Variants in EPHA3 observed in about 807,000 individuals in gnomAD.
The protein encoded by EPHA3 is ephrin type-A receptor 3.
EPHA3 carries 42 observed loss-of-function variants against 107.1 expected under a neutral mutation model. The observed-to-expected ratio is 0.39, with a 90% CI of 0.31 to 0.51. The LOEUF is 0.51. Ranked by LOEUF, EPHA3 falls within the 20% of genes least tolerant of loss-of-function variation. The pLI, the probability that EPHA3 is intolerant of heterozygous loss-of-function variation, is 0.78. For synonymous variants in EPHA3, 461 were observed against 424.8 expected, an observed-to-expected ratio of 1.09 and a Z score of -1.05; for missense variants, 1,183 against 1,211.2, an observed-to-expected ratio of 0.98 and a Z score of 0.35.
rs13315944 is a variant in EPHA3, at chr3:89,220,096, A to G, written c.814+9576A>G. On this transcript the variant is annotated intron_variant, in intron 3 of 16. Transcript: ENST00000336596. ...TGCCACACATGTTGCTAAATATCCT[A>G]CAATGCACAGGGCAATGTTTATAGC... Among the ~76,000 whole-genome samples the G allele has an allele frequency of 4.2e-3, 638 of 152,190 alleles. 6 individuals carry two copies. The highest frequency in any genetic ancestry group is 0.015 in the African/African-American group (618 of 41,522).
intron 3 of EPHA3, among the ~76,000 whole-genome samples, chr3:89,239,445 A>ATAT (rs1704844047): frequency 6.6e-6 from 1 of 152,176 alleles, no homozygotes; most frequent in African/African-American, 2.4e-5. Context: ...AATAATAATA[A>ATAT]TAATAAATCT....
intron 3 of EPHA3, among the ~76,000 whole-genome samples, chr3:89,226,357 T>C (rs1328696649): frequency 2.0e-5 from 3 of 152,118 alleles, no homozygotes; most frequent in Non-Finnish European, 4.4e-5. Flanking sequence ...TAACAAGTAC[T>C]TTATAAGTGT....
chr3:89,355,116 T>G (rs1462344523), intron 5 of EPHA3, among the ~76,000 whole-genome samples: 1 of 147,580 alleles, frequency 6.8e-6, no homozygotes, highest in East Asian at 2.0e-4. Flanking sequence ...TATAACAAAT[T>G]GACAAAAAAA....
chr3:89,124,493 G>A (rs906932826), intron 1 of EPHA3, among the ~76,000 whole-genome samples: 2 of 151,974 alleles, frequency 1.3e-5, no homozygotes, highest in African/African-American at 2.4e-5. Context: ...CAAACAAAAG[G>A]CACTTTATAA....
intron 5 of EPHA3, among the ~76,000 whole-genome samples, chr3:89,382,198 A>T (rs755344292): frequency 6.6e-6 from 1 of 152,020 alleles, no homozygotes; most frequent in Non-Finnish European, 1.5e-5. Flanking sequence ...AGATCAGGAG[A>T]AGGTTGCCAC....
intron 13 of EPHA3, among the ~76,000 whole-genome samples, chr3:89,446,383 G>T (rs1709876311): frequency 1.3e-5 from 2 of 152,050 alleles, no homozygotes; most frequent in African/African-American, 4.8e-5. Context: ...CAGAAATATG[G>T]CTCTGTTCTT....
chr3:89,315,187 T>C (rs554174021), intron 3 of EPHA3, among the ~76,000 whole-genome samples: 3 of 151,920 alleles, frequency 2.0e-5, no homozygotes, highest in South Asian at 2.1e-4. Flanking sequence ...ATATGTCATA[T>C]ATATTTTTTA....
chr3:89,316,469 G>GTA (rs1245895475), intron 3 of EPHA3, among the ~76,000 whole-genome samples: 43 of 130,900 alleles, frequency 3.3e-4, no homozygotes, highest in Middle Eastern at 8.8e-3. Context: ...AGTATACACT[G>GTA]TATATATATG....
intron 5 of EPHA3, among the ~76,000 whole-genome samples, chr3:89,389,500 A>G (rs1234702032): frequency 6.6e-6 from 1 of 152,206 alleles, no homozygotes; most frequent in Non-Finnish European, 1.5e-5. Context: ...CAATCTCTAA[A>G]TCACAGAGAT....
chr3:89,187,294 T>C (rs1003440330), intron 2 of EPHA3, among the ~76,000 whole-genome samples: 4 of 148,946 alleles, frequency 2.7e-5, no homozygotes, highest in African/African-American at 9.8e-5. Flanking sequence ...TATATGAGTC[T>C]ATACATTACC....
intron 5 of EPHA3, among the ~76,000 whole-genome samples, chr3:89,362,042 C>A (rs1054319583): frequency 6.6e-6 from 1 of 151,164 alleles, no homozygotes; most frequent in Non-Finnish European, 1.5e-5. Context: ...AAGACTCATA[C>A]TTCTAAAGTA....
chr3:89,168,856 T>A (rs899884461), intron 2 of EPHA3, among the ~76,000 whole-genome samples: 12 of 152,128 alleles, frequency 7.9e-5, no homozygotes, highest in Non-Finnish European at 4.4e-5. Context: ...ATTTAAAAAT[T>A]TAGAAATTCT....
At chr3:89,442,316 G>T (rs1325701567) in intron 13 of EPHA3, among the ~76,000 whole-genome samples, 3 of 152,092 alleles carry the variant, frequency 2.0e-5, no homozygotes, top group African/African-American at 4.8e-5. Flanking sequence ...TGTGACAGGG[G>T]TATAAAATAT....
At chr3:89,348,520 G>T in intron 5 of EPHA3, among the ~76,000 whole-genome samples, 2 of 134,688 alleles carry the variant, frequency 1.5e-5, no homozygotes, top group African/African-American at 6.3e-5. Flanking sequence ...TTCTTTATTA[G>T]TCTTGCTAGC....
chr3:89,408,071 T>A lies in EPHA3; in HGVS notation c.1702T>A (p.Cys568Ser), dbSNP rs56077781. Reference protein sequence around the residue: ...VVIYVLIGRFCGYKSKHGADE... With the variant: ...VVIYVLIGRFSGYKSKHGADE... ...CTTTCCTTGATTTACCTCCAGGTTC[T>A]GTGGCTATAAGTCAAAACATGGGGC... is the stretch of plus-strand genomic sequence containing the variant. Residue 568 changes from cysteine to serine, a missense_variant, in exon 9 of 17, where the codon TGT (cysteine) becomes AGT (serine). Cys to Ser is a moderately radical substitution (Grantham distance 112). Coordinates refer to ENST00000336596, the MANE Select transcript of EPHA3 (RefSeq NM_005233.6). 8 of 1,612,856 alleles carry A rather than the reference T, an allele frequency of 5.0e-6. No individual in the cohort carries two copies. In the East Asian group the frequency reaches 1.6e-4, roughly 31 times the overall value.
intron 3 of EPHA3, among the ~76,000 whole-genome samples, chr3:89,238,736 GTTAACC>G (rs1248966027): frequency 1.3e-5 from 2 of 152,134 alleles, no homozygotes; most frequent in Non-Finnish European, 2.9e-5. Flanking sequence ...TTAGAGTGTT[GTTAACC>G]TTAACAAATC....
intron 3 of EPHA3, among the ~76,000 whole-genome samples, chr3:89,220,535 C>T (rs937401409): frequency 6.6e-5 from 10 of 152,024 alleles, no homozygotes; most frequent in African/African-American, 2.2e-4. Flanking sequence ...GGTAGAGTTT[C>T]GTAGTCTAAG....
chr3:89,110,660 A>T (rs1367983498), intron 1 of EPHA3, among the ~76,000 whole-genome samples: 1 of 152,016 alleles, frequency 6.6e-6, no homozygotes, highest in African/African-American at 2.4e-5. Context: ...TTAAGAAAAG[A>T]CTTTTAATGG....
intron 7 of EPHA3, among the ~76,000 whole-genome samples, chr3:89,402,801 T>A (rs1474414927): frequency 6.6e-6 from 1 of 152,136 alleles, no homozygotes; most frequent in Non-Finnish European, 1.5e-5. Flanking sequence ...GTTCAAGCGA[T>A]TCTATAGCTG....
Sources: gnomAD v4.1 joint callset for allele counts (sites outside exome capture counted in the v4.1 genomes callset) on GRCh38, gnomAD v4.1.1 for gene constraint, MANE v1.5 for transcripts, NCBI Gene and HGNC (gene_info 2026-07-23, HGNC 2026-07-21) for gene names.